The following SEC23A variants were observed in gnomAD, a reference collection of about 807,000 sequenced individuals.
SEC23A encodes the protein protein transport protein Sec23A.
SEC23A carries 56 observed loss-of-function variants against 103.7 expected under a neutral mutation model. The ratio of observed to expected loss-of-function variants is 0.54; its 90% confidence interval spans 0.44 to 0.67. The LOEUF is 0.67. SEC23A is among the 30% of genes least tolerant of loss of function. The pLI is 0.00. For synonymous variants in SEC23A, 281 were observed against 293.0 expected, an observed-to-expected ratio of 0.96 and a Z score of 0.42; for missense variants, 784 against 936.4, an observed-to-expected ratio of 0.84 and a Z score of 2.12.
At chr14:39,058,748 T>C (rs1245635078) in intron 13 of SEC23A, among the ~76,000 whole-genome samples, 1 of 152,232 alleles carries the variant, frequency 6.6e-6, no homozygotes, top group African/African-American at 2.4e-5. Context: ...AAGACATTGG[T>C]AATTTTGAAA....
At chr14:39,056,532 T>C (rs542863291) in intron 13 of SEC23A, among the ~76,000 whole-genome samples, 113 of 151,440 alleles carry the variant, frequency 7.5e-4, no homozygotes, top group Admixed American at 3.3e-3. Context: ...TGGAGTGCAG[T>C]GGAAGGATCT....
intron 19 of SEC23A, among the ~76,000 whole-genome samples, chr14:39,034,821 T>G (rs191312527): frequency 3.9e-4 from 59 of 152,288 alleles, no homozygotes; most frequent in African/African-American, 1.4e-3. Flanking sequence ...AAGCTTTACA[T>G]TATTTAGTAT....
At chr14:39,095,821 T>C in intron 2 of SEC23A, 77 bp downstream of exon 2, 1 of 1,160,268 alleles carries the variant, frequency 8.6e-7, no homozygotes, top group Non-Finnish European at 1.3e-6. Context: ...CAAAGGGATT[T>C]TTATAAAAAT....
intron 11 of SEC23A, among the ~76,000 whole-genome samples, 173 bp from the exon 12 acceptor site, chr14:39,063,586 CATTTTTACATAATAAAAAATAAAATA>C (rs1291596740): frequency 1.3e-5 from 2 of 151,908 alleles, no homozygotes; most frequent in South Asian, 4.2e-4. Context: ...TAAAATAAAG[CATTTTTACATAATAAAAAATAAAATA>C]ATTTTTACAT....
In SEC23A at chr14:39,073,603, C is replaced by CTTTT. The variant is rs905464578; in HGVS notation, c.1103+808_1103+811dup. Reference sequence around the variant, plus strand: ...GCCACGGTGCCCGGCTCTGATTCCTCTTTTTTTTTTTTTTTTTTTTTTTTG... The same window carrying CTTTT: ...GCCACGGTGCCCGGCTCTGATTCCTCTTTTTTTTTTTTTTTTTTTTTTTTTTTTG... On this transcript the variant is annotated intron_variant, in intron 9 of 19. Transcript: ENST00000307712. Among the ~76,000 whole-genome samples the CTTTT allele has an allele frequency of 4.9e-4, 41 of 83,910 alleles. 1 individual carries two copies. The highest frequency in any genetic ancestry group is 5.9e-4 in the Non-Finnish European group (26 of 44,054). The allele number at this position is 83,910 out of a possible 152,430, so 55.0% of individuals were successfully genotyped here. A position where few individuals can be genotyped will look rare whatever the true frequency, so the allele number is the denominator to read the frequency against.
chr14:39,052,585 C>G (rs1886103521), intron 14 of SEC23A, among the ~76,000 whole-genome samples: 1 of 152,148 alleles, frequency 6.6e-6, no homozygotes, highest in Non-Finnish European at 1.5e-5. Flanking sequence ...AGCAATACCT[C>G]TGGCAAAATG....
At chr14:39,063,465 T>C (rs762772435) in intron 11 of SEC23A, 52 bp from the exon 12 acceptor site, 5 of 1,164,924 alleles carry the variant, frequency 4.3e-6, no homozygotes, top group Non-Finnish European at 6.3e-6. Context: ...AATTTATTAA[T>C]TTTATATTAA....
At chr14:39,082,591 G>T (rs1212989223) in intron 7 of SEC23A, among the ~76,000 whole-genome samples, 1 of 152,028 alleles carries the variant, frequency 6.6e-6, no homozygotes, top group African/African-American at 2.4e-5. Flanking sequence ...CAACATGGGG[G>T]TTCCTAATAT....
At chr14:39,085,687 TATACACACACACACAC>T in intron 7 of SEC23A, 59 bp downstream of exon 7, 2 of 1,177,764 alleles carry the variant, frequency 1.7e-6, no homozygotes, top group South Asian at 1.3e-5. Context: ...TATAATTATA[TATACACACACACACAC>T]ACACACACAC....
At chr14:39,085,703 C>CACAA in intron 7 of SEC23A, 59 bp downstream of exon 7, 1 of 1,375,412 alleles carries the variant, frequency 7.3e-7, no homozygotes, top group Non-Finnish European at 1.0e-6. Context: ...CACACACACA[C>CACAA]ACACACACAC....
intron 1 of SEC23A, among the ~76,000 whole-genome samples, chr14:39,101,302 A>G (rs1888082636): frequency 6.6e-6 from 1 of 152,124 alleles, no homozygotes; most frequent in Admixed American, 6.6e-5. Context: ...AGTATATCAA[A>G]TATGTGCCCA....
At chr14:39,049,490 A>AAAT (rs573128898) in intron 14 of SEC23A, among the ~76,000 whole-genome samples, 1 of 150,010 alleles carries the variant, frequency 6.7e-6, no homozygotes, top group Non-Finnish European at 1.5e-5. Flanking sequence ...AAAAAAAAAA[A>AAAT]TTTGAGCCAA....
intron 14 of SEC23A, 137 bp from the exon 15 acceptor site, chr14:39,048,866 C>T (rs1885940753): frequency 5.0e-6 from 3 of 599,668 alleles, no homozygotes; most frequent in South Asian, 2.1e-5. Flanking sequence ...TATAATATTA[C>T]TTATAGACTT....
At chr14:39,089,205 A>G (rs1887575082) in intron 5 of SEC23A, among the ~76,000 whole-genome samples, 1 of 151,502 alleles carries the variant, frequency 6.6e-6, no homozygotes, top group Admixed American at 6.6e-5. Flanking sequence ...AAGATGTTTT[A>G]TGTGCTTCAT....
At chr14:39,088,242 A>G (rs1421295311) in intron 5 of SEC23A, 1 of 152,160 alleles carries the variant, frequency 6.6e-6, no homozygotes, top group African/African-American at 2.4e-5. Context: ...GGGAAAGAAA[A>G]TAAACATGTT....
Position 39,094,279 on chromosome 14 carries a change from TAC to T in SEC23A, c.222-1037_222-1036del, listed in dbSNP as rs1274297907. ...ACATATATATGCATATATACACATA[TAC>T]ACATATATATGCATATATACACATA... On this transcript the variant is annotated intron_variant, in intron 2 of 19. Transcript: ENST00000307712. Among the ~76,000 whole-genome samples the T allele has an allele frequency of 5.1e-3, 156 of 30,518 alleles. 2 individuals are homozygous for T. Among genetic ancestry groups the T allele is most frequent in the African/African-American group, 0.013 (101 of 8,020 alleles). The allele number at this position is 30,518 out of a possible 152,430, so 20.0% of individuals were successfully genotyped here.
intron 7 of SEC23A, among the ~76,000 whole-genome samples, chr14:39,083,301 G>A (rs1057466259): frequency 2.6e-5 from 4 of 151,974 alleles, no homozygotes; most frequent in African/African-American, 4.8e-5. Flanking sequence ...TTGCTCCTTC[G>A]GAAAGGCTAA....
chr14:39,084,909 G>A (rs1380993477), intron 7 of SEC23A, among the ~76,000 whole-genome samples: 1 of 152,182 alleles, frequency 6.6e-6, no homozygotes, highest in Non-Finnish European at 1.5e-5. Context: ...GACCTCAGGT[G>A]ATCTGCCCAC....
chr14:39,099,771 T>C (rs1340379198), intron 1 of SEC23A, among the ~76,000 whole-genome samples: 3 of 152,344 alleles, frequency 2.0e-5, no homozygotes, highest in East Asian at 1.9e-4. Flanking sequence ...ATTAACCTTT[T>C]AATTTATTAA....
Sources: allele counts gnomAD v4.1 joint callset (sites outside exome capture counted in the v4.1 genomes callset), GRCh38; gene constraint gnomAD v4.1.1; transcripts MANE v1.5; gene names NCBI Gene and HGNC (gene_info 2026-07-23, HGNC 2026-07-21).